The following PKHD1L1 variants were observed in gnomAD, a reference collection of about 807,000 sequenced individuals.
PKHD1L1 encodes the protein PKHD1 like 1, also known as fibrocystin-L.
Under a neutral mutation model 462.9 loss-of-function variants are expected in PKHD1L1, and 434 were observed. The observed-to-expected ratio is 0.94, with a 90% CI of 0.87 to 1.02. PKHD1L1 has a LOEUF of 1.02. Among genes scored for constraint, PKHD1L1 ranks in the 50% least tolerant of loss-of-function variants. The probability of loss-of-function intolerance (pLI) is 0.00; values close to 1 mark genes in which losing one functional copy is unlikely to be tolerated. For missense variants in PKHD1L1, 5,202 were observed against 5,096.1 expected (o/e 1.02, Z -0.63); for synonymous variants, 1,781 against 1,750.0 (o/e 1.02, Z -0.44).
At chr8:109,479,503 G>A in intron 53 of PKHD1L1, 48 bp from the exon 54 acceptor site, 3 of 1,201,748 alleles carry the variant, frequency 2.5e-6, no homozygotes, top group Non-Finnish European at 3.6e-6. Flanking sequence ...CAAAATTAGG[G>A]AATATCACAA....
intron 33 of PKHD1L1, 24 bp downstream of exon 33, chr8:109,440,876 G>C (rs1815746296): frequency 1.2e-6 from 2 of 1,604,594 alleles, no homozygotes; most frequent in East Asian, 4.5e-5. Context: ...TCATAGGAAA[G>C]TGATTATCAT....
Position 109,486,823 on chromosome 8 carries a change from T to C in PKHD1L1, c.9880+2T>C, listed in dbSNP as rs1418115145. ...CTGAAAATATGATGACATTTAAAGG[T>C]TGGTATCAATTCAGTTTATTTTTCT... On this transcript the variant is annotated splice_donor_variant, in intron 59 of 77. Transcript: ENST00000378402. LOFTEE classifies it high-confidence loss of function. 6 of 1,610,200 alleles carry C rather than the reference T, an allele frequency of 3.7e-6. No individual in the cohort carries two copies. The highest frequency in any genetic ancestry group is 1.1e-5 in the South Asian group (1 of 90,826).
At chr8:109,457,915 G>T (rs1481858487) in intron 46 of PKHD1L1, among the ~76,000 whole-genome samples, 2 of 151,914 alleles carry the variant, frequency 1.3e-5, no homozygotes, top group Non-Finnish European at 2.9e-5. Context: ...TTGTACCACT[G>T]GTTCGCCCTT....
Position 109,485,190 on chromosome 8 carries a change from T to C in PKHD1L1, c.9706+17T>C. Reference sequence around the variant, plus strand: ...CTCACTTTGGTAAGTGGATGCTTTTTAACCAAATAGATATATAATTGTGTT... The same window carrying C: ...CTCACTTTGGTAAGTGGATGCTTTTCAACCAAATAGATATATAATTGTGTT... On this transcript the variant is annotated intron_variant, in intron 58 of 77. Transcript: ENST00000378402. 6.5e-7 allele frequency: 1 copy of C among 1,527,912 alleles called. No individual in the cohort carries two copies. Among genetic ancestry groups the C allele is most frequent in the Non-Finnish European group, 8.9e-7 (1 of 1,127,418 alleles). 94.6% of individuals were successfully genotyped at this position (1,527,912 alleles called of 1,614,324 possible).
chr8:109,399,926 C>T (rs1001457158), intron 12 of PKHD1L1, 150 bp from the exon 13 acceptor site: 28 of 760,936 alleles, frequency 3.7e-5, no homozygotes, highest in Middle Eastern at 3.9e-4. Flanking sequence ...GCTGCAGATA[C>T]GTGTAGGGGA....
Position 109,413,555 on chromosome 8 carries a change from G to A in PKHD1L1, c.2360+10G>A, listed in dbSNP as rs144771532. Reference sequence around the variant, plus strand: ...TTGCTTATGGAAACAAGTAAGTTACGCTATGAATTTGAAAATTACATTATA... The same window carrying A: ...TTGCTTATGGAAACAAGTAAGTTACACTATGAATTTGAAAATTACATTATA... On this transcript the variant is annotated intron_variant, in intron 21 of 77. Transcript: ENST00000378402. The A allele has an allele frequency of 2.9e-5, 43 of 1,495,092 alleles. No homozygotes were observed. The East Asian group carries it at 6.1e-4, about 21-fold the overall frequency. The allele number at this position is 1,495,092 out of a possible 1,614,324, so 92.6% of individuals were successfully genotyped here.
chr8:109,376,755 C>T lies in PKHD1L1; in HGVS notation c.164-4615C>T, dbSNP rs369276030. ...ACGTTAAACATTATACAACAATGAT[C>T]CTTTATTATTCCTAACTATCCATTA... On this transcript the variant is annotated intron_variant, in intron 2 of 77. Coordinates refer to ENST00000378402, the MANE Select transcript of PKHD1L1 (RefSeq NM_177531.6). 1.1e-4 allele frequency among the ~76,000 whole-genome samples: 16 copies of T among 152,098 alleles called. No homozygotes were observed. The East Asian group carries it at 1.2e-3, about 11-fold the overall frequency.
chr8:109,451,897 C>T (rs1162241827), intron 41 of PKHD1L1, among the ~76,000 whole-genome samples: 9 of 152,150 alleles, frequency 5.9e-5, no homozygotes, highest in African/African-American at 2.2e-4. Flanking sequence ...ACTGGAACAT[C>T]TGCTAGTTAC....
intron 38 of PKHD1L1, among the ~76,000 whole-genome samples, chr8:109,445,939 A>C (rs1408724172): frequency 6.6e-6 from 1 of 152,156 alleles, no homozygotes; most frequent in Non-Finnish European, 1.5e-5. Context: ...CAAAACTGAT[A>C]ATTCATTTAT....
chr8:109,437,064 T>C (rs565480886), intron 30 of PKHD1L1, among the ~76,000 whole-genome samples: 17 of 152,110 alleles, frequency 1.1e-4, no homozygotes, highest in South Asian at 2.1e-4. Flanking sequence ...TACAGGCATG[T>C]ACCACCACGC....
intron 38 of PKHD1L1, among the ~76,000 whole-genome samples, chr8:109,446,820 G>C (rs1014154735): frequency 1.3e-5 from 2 of 152,080 alleles, no homozygotes; most frequent in Non-Finnish European, 1.5e-5. Context: ...TTTATTTGCT[G>C]AAGAGACAGG....
chr8:109,366,987 C>T (rs538377667), intron 2 of PKHD1L1, among the ~76,000 whole-genome samples: 1 of 152,194 alleles, frequency 6.6e-6, no homozygotes, highest in South Asian at 2.1e-4. Context: ...CCACTGCACC[C>T]TGCCGTGGTT....
Position 109,523,302 on chromosome 8 carries a change from C to T in PKHD1L1, c.12400C>T (p.Gln4134Ter), listed in dbSNP as rs775237912. Residue 4134 changes from glutamine to a stop codon, truncating the protein, a stop_gained, in exon 76 of 78, where the codon CAA becomes TAA. Coordinates refer to ENST00000378402, the MANE Select transcript of PKHD1L1 (RefSeq NM_177531.6). LOFTEE classifies it high-confidence loss of function. ...CATACTCAAGGACTCCAATAATAAC[C>T]AAGTCAATGGCCTTAGTGGAAATAC... ...RAILKDSNNN[Q>*]VNGLSGNTTI... The T allele has an allele frequency of 6.2e-7, 1 of 1,611,542 alleles. No homozygotes were observed. Among genetic ancestry groups the T allele is most frequent in the Admixed American group, 1.7e-5 (1 of 59,840 alleles).
At chr8:109,413,580 A>C in intron 21 of PKHD1L1, 35 bp downstream of exon 21, 1 of 1,441,982 alleles carries the variant, frequency 6.9e-7, no homozygotes, top group Non-Finnish European at 9.2e-7. Flanking sequence ...ATTACATTAT[A>C]CCATGGTATA....
At chr8:109,522,676 C>A (rs1032353566) in intron 74 of PKHD1L1, 68 bp from the exon 75 acceptor site, 1 of 1,429,996 alleles carries the variant, frequency 7.0e-7, no homozygotes. Context: ...CTCAGCCTGG[C>A]TAAAATGAGT....
At position 109,490,954 on chromosome 8, in the gene PKHD1L1, T is replaced by C. The variant is rs1818792136; in HGVS notation, c.9985-18T>C. The C allele has an allele frequency of 6.4e-7, 1 of 1,569,370 alleles. No individual in the cohort carries two copies. The highest frequency in any genetic ancestry group is 1.4e-5 in the African/African-American group (1 of 73,734). On this transcript the variant is annotated intron_variant, in intron 60 of 77. Transcript: ENST00000378402. ...AATTTTATTTTAAAAATGTTCTCTG[T>C]ATCCCAATGTTGTATAGATTCAAGA... is the stretch of plus-strand genomic sequence containing the variant.
chr8:109,515,429 G>C, intron 72 of PKHD1L1, 124 bp downstream of exon 72: 1 of 786,812 alleles, frequency 1.3e-6, no homozygotes, highest in Non-Finnish European at 1.8e-6. Context: ...CAAGTTTTTA[G>C]CCATAGTCCA....
At chr8:109,506,656 G>A (rs1012372794) in intron 68 of PKHD1L1, among the ~76,000 whole-genome samples, 12 of 152,054 alleles carry the variant, frequency 7.9e-5, no homozygotes, top group African/African-American at 1.4e-4. Flanking sequence ...TGAATACAAC[G>A]AACACATGAA....
intron 50 of PKHD1L1, among the ~76,000 whole-genome samples, chr8:109,473,771 T>C (rs1817844180): frequency 6.6e-6 from 1 of 152,148 alleles, no homozygotes; most frequent in Non-Finnish European, 1.5e-5. Flanking sequence ...TCTGCTTCAA[T>C]ATAAGGCTTT....
Sources: gnomAD v4.1 joint callset for allele counts (sites outside exome capture counted in the v4.1 genomes callset) on GRCh38, gnomAD v4.1.1 for gene constraint, MANE v1.5 for transcripts, NCBI Gene and HGNC (gene_info 2026-07-23, HGNC 2026-07-21) for gene names.